The following PRIM2 variants were observed in gnomAD, a reference collection of about 807,000 sequenced individuals.
PRIM2 encodes the protein DNA primase subunit 2.
In PRIM2, 39 loss-of-function variants were observed where a neutral mutation model predicts 67.3. The ratio of observed to expected loss-of-function variants is 0.58; its 90% confidence interval spans 0.45 to 0.76. The LOEUF is 0.76. Ranked by LOEUF, PRIM2 falls within the 30% of genes least tolerant of loss-of-function variation. The probability of loss-of-function intolerance (pLI) is 0.00; values close to 1 mark genes in which losing one functional copy is unlikely to be tolerated. For missense variants in PRIM2, 398 were observed against 598.7 expected, an observed-to-expected ratio of 0.66 and a Z score of 3.50; for synonymous variants, 143 against 198.7, an observed-to-expected ratio of 0.72 and a Z score of 2.36.
At position 57,318,923 on chromosome 6, in the gene PRIM2, C is replaced by T. The variant is rs542719909; in HGVS notation, c.154+324C>T. Among the ~76,000 whole-genome samples the T allele has an allele frequency of 5.9e-5, 9 of 152,240 alleles. No homozygotes were observed. The South Asian group carries it at 1.5e-3, about 25-fold the overall frequency. ...GACATCCAAAATAATAGTCATAATTCAGTATTTTAACTGCTCTAGTAGAAG... is the reference window on the plus strand; with the variant it reads ...GACATCCAAAATAATAGTCATAATTTAGTATTTTAACTGCTCTAGTAGAAG... On this transcript the variant is annotated intron_variant, in intron 2 of 13. Transcript: ENST00000615550.
At chr6:57,246,562 AC>A in the PRIM2 span, among the ~76,000 whole-genome samples, 3 of 152,170 alleles carry the variant, frequency 2.0e-5, no homozygotes, top group East Asian at 5.8e-4. Context: ...GCGCACAGTT[AC>A]CCCCAATGCA....
At chr6:57,273,752 T>G in the PRIM2 span, among the ~76,000 whole-genome samples, 3 of 152,080 alleles carry the variant, frequency 2.0e-5, no homozygotes, top group Non-Finnish European at 2.9e-5. Flanking sequence ...CCCCATCTTT[T>G]TGGTTTTATC....
the PRIM2 span, among the ~76,000 whole-genome samples, chr6:57,234,136 TAGGC>T: frequency 6.6e-6 from 1 of 152,184 alleles, no homozygotes; most frequent in South Asian, 2.1e-4. Flanking sequence ...GAAAAGTCAT[TAGGC>T]AGGAATGGAG....
At chr6:57,256,018 CACACAT>C in the PRIM2 span, among the ~76,000 whole-genome samples, 247 of 106,492 alleles carry the variant, frequency 2.3e-3, no homozygotes, top group African/African-American at 0.016. Context: ...CGCACACACA[CACACAT>C]ACACACACAC....
chr6:57,341,416 A>T (rs1768484796), intron 5 of PRIM2, among the ~76,000 whole-genome samples: 1 of 152,200 alleles, frequency 6.6e-6, no homozygotes, highest in Non-Finnish European at 1.5e-5. Context: ...AGAGGGCTTG[A>T]CAGAATAACC....
At chr6:57,398,596 T>C (rs1770601967) in intron 7 of PRIM2, among the ~76,000 whole-genome samples, 1 of 152,230 alleles carries the variant, frequency 6.6e-6, no homozygotes, top group Admixed American at 6.5e-5. Context: ...ATTTGCTGTG[T>C]GGTGATGAGA....
chr6:57,237,318 C>G, the PRIM2 span, among the ~76,000 whole-genome samples: 1 of 152,142 alleles, frequency 6.6e-6, no homozygotes, highest in Admixed American at 6.5e-5. Flanking sequence ...GATATTAGCC[C>G]TTTGTCAGAT....
rs1386251354 is a variant in PRIM2, at chr6:57,379,793, T to A, written c.460-108T>A. On this transcript the variant is annotated intron_variant, in intron 5 of 13. Coordinates refer to ENST00000615550, the MANE Select transcript of PRIM2 (RefSeq NM_000947.5). ...GAAATGATTTGAGATATCAAGGTTTTAAAATTTTTAATAAAAGTAAACAGT... is the reference window on the plus strand; with the variant it reads ...GAAATGATTTGAGATATCAAGGTTTAAAAATTTTTAATAAAAGTAAACAGT... The A allele has an allele frequency of 1.3e-5, 13 of 978,302 alleles. No individual in the cohort carries two copies. In the Admixed American group the frequency reaches 3.8e-4, roughly 29 times the overall value. The allele number at this position is 978,302 out of a possible 1,614,324, so 60.6% of individuals were successfully genotyped here. A position where few individuals can be genotyped will look rare whatever the true frequency, so the allele number is the denominator to read the frequency against.
the PRIM2 span, among the ~76,000 whole-genome samples, chr6:57,268,516 T>C: frequency 6.6e-6 from 1 of 152,120 alleles, no homozygotes; most frequent in South Asian, 2.1e-4. Context: ...TAGATTACAA[T>C]CAATATTTTT....
At chr6:57,298,318 G>T in the PRIM2 span, among the ~76,000 whole-genome samples, 1 of 152,072 alleles carries the variant, frequency 6.6e-6, no homozygotes, top group Admixed American at 6.5e-5. Flanking sequence ...CCAAGATTGC[G>T]CCATTGCACT....
chr6:57,404,207 C>T (rs1770809751), intron 7 of PRIM2, among the ~76,000 whole-genome samples: 1 of 92,266 alleles, frequency 1.1e-5, no homozygotes, highest in Admixed American at 9.9e-5. Flanking sequence ...AGTGAAAGAC[C>T]TGGGTCTTTT....
chr6:57,283,578 G>A, the PRIM2 span, among the ~76,000 whole-genome samples: 1 of 152,120 alleles, frequency 6.6e-6, no homozygotes, highest in Non-Finnish European at 1.5e-5. Flanking sequence ...TATTAACTCG[G>A]TGGCTTTGGG....
the PRIM2 span, among the ~76,000 whole-genome samples, chr6:57,226,504 A>G: frequency 2.4e-4 from 37 of 152,356 alleles, no homozygotes; most frequent in East Asian, 4.0e-3. Flanking sequence ...TATGTAAAAA[A>G]TAAAGAACAG....
At position 57,330,348 on chromosome 6, in the gene PRIM2, G is replaced by GTTTTTTTTTTTTTTTTTTTTTTTTT. The variant is rs1238317111; in HGVS notation, c.459+4315_459+4316insTTTTTTTTTTTTTTTTTTTTTTTTT. 3.0e-4 allele frequency among the ~76,000 whole-genome samples: 26 copies of GTTTTTTTTTTTTTTTTTTTTTTTTT among 87,806 alleles called. 2 individuals carry two copies. The highest frequency in any genetic ancestry group is 6.4e-4 in the East Asian group (2 of 3,132). The allele number at this position is 87,806 out of a possible 152,430, so 57.6% of individuals were successfully genotyped here. ...TGTATCCTGCAACCTTGCTGAACTT[G>GTTTTTTTTTTTTTTTTTTTTTTTTT]TTTTTTTTTTTTGTTTTTGTTTTTT... On this transcript the variant is annotated intron_variant, in intron 5 of 13. Coordinates refer to ENST00000615550, the MANE Select transcript of PRIM2 (RefSeq NM_000947.5).
intron 10 of PRIM2, among the ~76,000 whole-genome samples, chr6:57,543,419 G>C (rs1775219504): frequency 6.6e-6 from 1 of 152,108 alleles, no homozygotes; most frequent in Non-Finnish European, 1.5e-5. Flanking sequence ...GAATTTTTCT[G>C]TACTATTGTT....
At chr6:57,380,796 C>T (rs572398146) in intron 6 of PRIM2, among the ~76,000 whole-genome samples, 1 of 148,264 alleles carries the variant, frequency 6.7e-6, no homozygotes, top group Non-Finnish European at 1.5e-5. Flanking sequence ...TCCAGTTACT[C>T]TGCCTTCACA....
At chr6:57,453,537 TC>T in intron 7 of PRIM2, among the ~76,000 whole-genome samples, 2 of 152,154 alleles carry the variant, frequency 1.3e-5, no homozygotes, top group Non-Finnish European at 2.9e-5. Context: ...TATTTTATTC[TC>T]TTTGAAGCAA....
At chr6:57,531,298 A>G (rs1373228931) in intron 8 of PRIM2, among the ~76,000 whole-genome samples, 5 of 152,162 alleles carry the variant, frequency 3.3e-5, no homozygotes, top group African/African-American at 1.2e-4. Context: ...GACTACAGGC[A>G]TGCCACCATG....
At chr6:57,256,670 T>C in the PRIM2 span, among the ~76,000 whole-genome samples, 4 of 143,586 alleles carry the variant, frequency 2.8e-5, no homozygotes, top group African/African-American at 7.7e-5. Flanking sequence ...ACACATGCCA[T>C]GCAGGCACAC....
Sources: gnomAD v4.1 joint callset for allele counts (sites outside exome capture counted in the v4.1 genomes callset) on GRCh38, gnomAD v4.1.1 for gene constraint, MANE v1.5 for transcripts, NCBI Gene and HGNC (gene_info 2026-07-23, HGNC 2026-07-21) for gene names.